The following DSCAM variants were observed in gnomAD, a reference collection of about 807,000 sequenced individuals.
DSCAM encodes the protein DS cell adhesion molecule.
Under a neutral mutation model 217.7 loss-of-function variants are expected in DSCAM, and 47 were observed. That is an observed-to-expected ratio of 0.22 (90% CI 0.17 to 0.28). DSCAM has a LOEUF of 0.28. DSCAM is among the 10% of genes least tolerant of loss of function. The pLI is 1.00. For missense variants in DSCAM, 2,080 were observed against 2,618.3 expected, an observed-to-expected ratio of 0.79 and a Z score of 4.49; for synonymous variants, 1,056 against 1,015.3, an observed-to-expected ratio of 1.04 and a Z score of -0.76.
chr21:40,357,916 G>A (rs1453794137), intron 4 of DSCAM, among the ~76,000 whole-genome samples: 1 of 151,992 alleles, frequency 6.6e-6, no homozygotes, highest in Non-Finnish European at 1.5e-5. Flanking sequence ...TCGTTCTTCA[G>A]TAATACAGAT....
rs775026981 is a variant in DSCAM, at chr21:40,276,104, C to T, written c.2349G>A (p.Thr783=). The T allele has an allele frequency of 6.0e-5, 94 of 1,576,234 alleles. No homozygotes were observed. In the East Asian group the frequency reaches 1.0e-3, roughly 17 times the overall value. Residue 783 remains threonine, a synonymous_variant, in exon 11 of 33, where the codon ACG becomes ACA. Coordinates refer to ENST00000400454, the MANE Select transcript of DSCAM (RefSeq NM_001389.5). ...GCATTTCTTCTCTCTTACTTTTAAC[C>T]GTGAGGTACATGGACTTGCTGACGT... ...GADVSKSMYL[T]VKIPAMITSY... is the part of the protein sequence containing the mutation.
intron 3 of DSCAM, among the ~76,000 whole-genome samples, chr21:40,498,781 GTATA>G (rs1166919235): frequency 0.13 from 3,061 of 24,438 alleles, 183 homozygotes; most frequent in Non-Finnish European, 0.16. Flanking sequence ...ATATGGGTGT[GTATA>G]TATATATATA....
At chr21:40,354,451 T>G (rs2074668563) in intron 4 of DSCAM, among the ~76,000 whole-genome samples, 1 of 152,108 alleles carries the variant, frequency 6.6e-6, no homozygotes, top group Non-Finnish European at 1.5e-5. Context: ...CACCACAGTC[T>G]CAAACTCCTG....
chr21:40,329,175 G>A (rs973566469), intron 8 of DSCAM, among the ~76,000 whole-genome samples: 2 of 152,146 alleles, frequency 1.3e-5, no homozygotes, highest in African/African-American at 4.8e-5. Flanking sequence ...TACATGAAAA[G>A]GATATGAAAT....
chr21:40,809,795 G>T (rs1350929607), intron 1 of DSCAM, among the ~76,000 whole-genome samples: 1 of 152,182 alleles, frequency 6.6e-6, no homozygotes, highest in Non-Finnish European at 1.5e-5. Flanking sequence ...TCAAAAAGAT[G>T]CTTTAAAGAA....
At chr21:40,514,526 A>C (rs932714304) in intron 3 of DSCAM, among the ~76,000 whole-genome samples, 1 of 152,240 alleles carries the variant, frequency 6.6e-6, no homozygotes, top group African/African-American at 2.4e-5. Context: ...GACATTGCAT[A>C]AAATGGATTA....
At chr21:40,446,508 G>GC (rs1332729515) in intron 3 of DSCAM, among the ~76,000 whole-genome samples, 3 of 152,118 alleles carry the variant, frequency 2.0e-5, no homozygotes, top group Non-Finnish European at 2.9e-5. Context: ...AGCACCCAGG[G>GC]CCCCCTCTGC....
chr21:40,143,596 C>T (rs62237640), intron 17 of DSCAM, among the ~76,000 whole-genome samples: 17,370 of 152,176 alleles, frequency 0.11, 1,139 homozygotes, highest in East Asian at 0.27. Context: ...TCGAGACCAT[C>T]CTGGCTAACA....
intron 27 of DSCAM, among the ~76,000 whole-genome samples, chr21:40,066,082 G>A (rs79460058): frequency 3.3e-5 from 5 of 152,294 alleles, no homozygotes; most frequent in African/African-American, 4.8e-5. Context: ...ACCCTCCCAT[G>A]CCCAGTAGGC....
At chr21:40,492,543 CAT>C (rs1568849811) in intron 3 of DSCAM, among the ~76,000 whole-genome samples, 1 of 151,708 alleles carries the variant, frequency 6.6e-6, no homozygotes, top group Admixed American at 6.6e-5. Context: ...GTGAGATTGA[CAT>C]TTTTTTTTAA....
chr21:40,498,969 T>G (rs1024947826), intron 3 of DSCAM, among the ~76,000 whole-genome samples: 6 of 151,434 alleles, frequency 4.0e-5, no homozygotes, highest in African/African-American at 1.5e-4. Context: ...AGAGAATTTC[T>G]CATTATAGCA....
chr21:40,597,500 C>CATTT (rs2077030395), intron 3 of DSCAM, among the ~76,000 whole-genome samples: 1 of 75,854 alleles, frequency 1.3e-5, no homozygotes, highest in African/African-American at 5.8e-5. Context: ...CAGTAATAGG[C>CATTT]TTTTTTTTTT....
Position 40,312,222 on chromosome 21 carries a change from G to A in DSCAM, c.1921C>T (p.Leu641Phe), listed in dbSNP as rs2074146694. 2 of 1,614,108 alleles carry A rather than the reference G, an allele frequency of 1.2e-6. No homozygotes were observed. The highest frequency in any genetic ancestry group is 1.7e-6 in the Non-Finnish European group (2 of 1,180,014). The change falls in exon 9 of 33, where the codon CTT (leucine) becomes TTT (phenylalanine). Residue 641 changes from leucine (L) to phenylalanine (F), a missense_variant. Leu to Phe is a conservative substitution (Grantham distance 22). Coordinates refer to ENST00000400454, the MANE Select transcript of DSCAM (RefSeq NM_001389.5). Reference protein sequence around the residue: ...QKDGRPIPGSLGVTIDNIDFT... With the variant: ...QKDGRPIPGSFGVTIDNIDFT... ...TCAATATTGTCAATGGTCACCCCAA[G>A]GCTCCCAGGGATTGGCCGGCCATCC... is the stretch of plus-strand genomic sequence containing the variant.
chr21:40,061,112 T>G (rs1403575077), intron 28 of DSCAM, among the ~76,000 whole-genome samples: 2 of 152,174 alleles, frequency 1.3e-5, no homozygotes, highest in African/African-American at 4.8e-5. Context: ...CTGGATGCCT[T>G]AAAAATAATC....
At chr21:40,835,356 T>G (rs187722766) in intron 1 of DSCAM, among the ~76,000 whole-genome samples, 1 of 152,304 alleles carries the variant, frequency 6.6e-6, no homozygotes, top group East Asian at 1.9e-4. Context: ...TGTGAGCTAT[T>G]TTAAACTGAA....
chr21:40,495,403 A>T (rs2076110043), intron 3 of DSCAM, among the ~76,000 whole-genome samples: 1 of 152,204 alleles, frequency 6.6e-6, no homozygotes, highest in African/African-American at 2.4e-5. Context: ...AATACATGGG[A>T]TGCACCACAT....
intron 1 of DSCAM, among the ~76,000 whole-genome samples, chr21:40,788,738 C>G (rs2837820): frequency 0.12 from 17,708 of 152,194 alleles, 1,225 homozygotes; most frequent in East Asian, 0.21. Context: ...AAATATCATA[C>G]TCTCTTTTCT....
chr21:40,459,316 T>C (rs1040540088), intron 3 of DSCAM, among the ~76,000 whole-genome samples: 1 of 152,138 alleles, frequency 6.6e-6, no homozygotes, highest in Non-Finnish European at 1.5e-5. Context: ...TACCATTCGA[T>C]AAGAGAAGGA....
intron 20 of DSCAM, among the ~76,000 whole-genome samples, chr21:40,123,077 T>A (rs1460803027): frequency 6.6e-6 from 1 of 152,152 alleles, no homozygotes; most frequent in African/African-American, 2.4e-5. Context: ...TCCACATGCA[T>A]GAGGTCCCTA....
Sources: allele counts gnomAD v4.1 joint callset (sites outside exome capture counted in the v4.1 genomes callset), GRCh38; gene constraint gnomAD v4.1.1; transcripts MANE v1.5; gene names NCBI Gene and HGNC (gene_info 2026-07-23, HGNC 2026-07-21).